The following EYS variants were observed in gnomAD, a reference collection of about 807,000 sequenced individuals.
EYS encodes the protein EGF-like photoreceptor maintenance factor.
A neutral mutation model predicts 282.1 loss-of-function variants in EYS; 250 were observed. The ratio of observed to expected loss-of-function variants is 0.89; its 90% CI spans 0.80 to 0.98. The LOEUF is 0.98. Ranked by LOEUF, EYS falls within the 50% of genes least tolerant of loss-of-function variation. EYS has a pLI of 0.00. For missense variants in EYS, 4,016 were observed against 3,709.0 expected, an observed-to-expected ratio of 1.08 and a Z score of -2.15; for synonymous variants, 1,355 against 1,282.9, an observed-to-expected ratio of 1.06 and a Z score of -1.20.
At chr6:64,829,916 G>C (rs556072140) in intron 19 of EYS, among the ~76,000 whole-genome samples, 6 of 152,048 alleles carry the variant, frequency 3.9e-5, no homozygotes, top group African/African-American at 7.2e-5. Context: ...CCTTGCGCTA[G>C]AGAATACCAC....
chr6:65,353,754 C>A (rs746062003), intron 8 of EYS, 137 bp from the exon 9 acceptor site: 17 of 659,836 alleles, frequency 2.6e-5, no homozygotes, highest in South Asian at 3.7e-5. Flanking sequence ...TTATACTTCT[C>A]TTTATTTCTT....
At chr6:64,491,755 C>T (rs938968649) in intron 26 of EYS, among the ~76,000 whole-genome samples, 1 of 150,958 alleles carries the variant, frequency 6.6e-6, no homozygotes, top group Admixed American at 6.6e-5. Context: ...GAGCTTATAC[C>T]CTTAAACTCT....
chr6:65,260,384 C>G (rs570130000), intron 12 of EYS, among the ~76,000 whole-genome samples: 1 of 152,194 alleles, frequency 6.6e-6, no homozygotes, highest in Admixed American at 6.6e-5. Context: ...CTCTACTTTA[C>G]CACACAAAGG....
intron 1 of EYS, among the ~76,000 whole-genome samples, chr6:65,695,586 A>T (rs1769420332): frequency 6.6e-6 from 1 of 151,990 alleles, no homozygotes; most frequent in Admixed American, 6.6e-5. Flanking sequence ...GTTGGGTCAC[A>T]GCCATATTAA....
chr6:64,688,297 G>A (rs573671137), intron 22 of EYS, among the ~76,000 whole-genome samples: 1 of 151,710 alleles, frequency 6.6e-6, no homozygotes, highest in South Asian at 2.1e-4. Flanking sequence ...TGCTTATCTA[G>A]TTCTTTTAAT....
chr6:63,834,821 G>A (rs1771757722), intron 36 of EYS, among the ~76,000 whole-genome samples: 1 of 151,864 alleles, frequency 6.6e-6, no homozygotes, highest in South Asian at 2.1e-4. Flanking sequence ...ATCAATGATA[G>A]ACTAGATTAA....
intron 22 of EYS, among the ~76,000 whole-genome samples, chr6:64,691,778 C>T (rs144507143): frequency 5.9e-5 from 9 of 152,274 alleles, no homozygotes; most frequent in Non-Finnish European, 7.4e-5. Context: ...TGCATTAATT[C>T]GCTTCTGGTT....
At chr6:64,348,555 T>A (rs1432286291) in intron 29 of EYS, among the ~76,000 whole-genome samples, 1 of 151,454 alleles carries the variant, frequency 6.6e-6, no homozygotes, top group Admixed American at 6.6e-5. Context: ...GGAAGCCCAC[T>A]AGTTGAAGAT....
intron 14 of EYS, among the ~76,000 whole-genome samples, chr6:64,989,495 A>C (rs1029844039): frequency 1.5e-4 from 20 of 137,922 alleles, no homozygotes; most frequent in African/African-American, 4.0e-4. Context: ...ATAAGAATAT[A>C]TATGAGAAAC....
intron 2 of EYS, among the ~76,000 whole-genome samples, chr6:65,504,535 T>C (rs1161137708): frequency 6.6e-6 from 1 of 151,794 alleles, no homozygotes; most frequent in Non-Finnish European, 1.5e-5. Context: ...TGTAGGATTT[T>C]ACAGATGTTC....
chr6:64,083,050 A>G (rs879702122), intron 31 of EYS, among the ~76,000 whole-genome samples: 1 of 152,034 alleles, frequency 6.6e-6, no homozygotes. Flanking sequence ...TTGGGACTAC[A>G]GGTGTGTGCC....
At chr6:64,660,080 A>T (rs1377597058) in intron 22 of EYS, among the ~76,000 whole-genome samples, 1 of 152,218 alleles carries the variant, frequency 6.6e-6, no homozygotes, top group Admixed American at 6.5e-5. Context: ...GGCTGGTTCA[A>T]CATACACAAA....
chr6:64,038,949 T>C (rs1171344695), intron 33 of EYS, among the ~76,000 whole-genome samples: 3 of 152,096 alleles, frequency 2.0e-5, no homozygotes, highest in African/African-American at 7.2e-5. Context: ...GAACCACAGG[T>C]CCCTACAACC....
intron 31 of EYS, among the ~76,000 whole-genome samples, chr6:64,180,996 C>T (rs746233195): frequency 6.6e-6 from 1 of 152,072 alleles, no homozygotes; most frequent in Non-Finnish European, 1.5e-5. Context: ...TTGTTTCCAC[C>T]TTCGTGTCCA....
intron 11 of EYS, among the ~76,000 whole-genome samples, chr6:65,307,125 T>A (rs1253865063): frequency 6.8e-6 from 1 of 147,172 alleles, no homozygotes; most frequent in African/African-American, 2.5e-5. Flanking sequence ...CAAATCCCAG[T>A]AGCTGTTTTT....
intron 12 of EYS, among the ~76,000 whole-genome samples, chr6:65,194,062 T>C (rs1765706495): frequency 6.6e-6 from 1 of 151,972 alleles, no homozygotes; most frequent in Non-Finnish European, 1.5e-5. Context: ...ATTTTTTCTC[T>C]TTTCGCCCAT....
intron 26 of EYS, among the ~76,000 whole-genome samples, chr6:64,480,886 A>C (rs1436679317): frequency 6.6e-6 from 1 of 151,668 alleles, no homozygotes; most frequent in Non-Finnish European, 1.5e-5. Flanking sequence ...GTATTCATTC[A>C]AGTTATGTTG....
At position 64,489,042 on chromosome 6, in the gene EYS, T is replaced by C. The variant is rs538694368; in HGVS notation, c.5645-49690A>G. 2.0e-5 allele frequency among the ~76,000 whole-genome samples: 3 copies of C among 151,002 alleles called. No homozygotes were observed. In the East Asian group the frequency reaches 5.8e-4, roughly 29 times the overall value. ...TCATTATGTTATGGTAATGCTTTAG[T>C]TGGAGAAGAATGATGAAAAAATGCT... On this transcript the variant is annotated intron_variant, in intron 26 of 42. Transcript: ENST00000503581.
Position 65,495,246 on chromosome 6 carries a change from T to G in EYS, c.165A>C (p.Arg55Ser), listed in dbSNP as rs1582377101. The G allele has an allele frequency of 3.7e-6, 6 of 1,614,176 alleles. No individual in the cohort carries two copies. Among genetic ancestry groups the G allele is most frequent in the African/African-American group, 2.7e-5 (2 of 75,064 alleles). The change falls in exon 4 of 43, where the codon AGA becomes AGC. Residue 55 changes from arginine (R) to serine (S), a missense_variant. Physicochemically the swap from Arg to Ser is moderately radical, Grantham distance 110 (BLOSUM62 -1). Transcript: ENST00000503581. ...TGTTTACACCCAAAAACCAGCAATC[T>G]CTGTAGAAGTCCAAGCAGATGTTTT... Reference protein sequence around the residue: ...LTENICLDFYRDCWFLGVNTK... With the variant: ...LTENICLDFYSDCWFLGVNTK...
Sources: allele counts gnomAD v4.1 joint callset (sites outside exome capture counted in the v4.1 genomes callset), GRCh38; gene constraint gnomAD v4.1.1; transcripts MANE v1.5; gene names NCBI Gene and HGNC (gene_info 2026-07-23, HGNC 2026-07-21).